CDKN2B-AS1: variants seen among roughly 807,000 people sequenced by gnomAD.
The protein encoded by CDKN2B-AS1 is CDKN2B and CDKN2A antisense cis and trans regulatory RNA 1.
chr9:22,080,407 T>C (rs1463445445), intron 4 of CDKN2B-AS1, among the ~76,000 whole-genome samples: 1 of 152,248 alleles, frequency 6.6e-6, no homozygotes, highest in African/African-American at 2.4e-5. Flanking sequence ...CTAAAGATTC[T>C]GAGCTATCAT....
intron 1 of CDKN2B-AS1, among the ~76,000 whole-genome samples, chr9:22,022,937 A>T (rs1032229643): frequency 6.6e-6 from 1 of 152,178 alleles, no homozygotes; most frequent in Non-Finnish European, 1.5e-5. Flanking sequence ...TTTCTTTAAA[A>T]ACATTGAATA....
At chr9:22,015,283 CT>C (rs936771347) in intron 1 of CDKN2B-AS1, among the ~76,000 whole-genome samples, 9 of 151,398 alleles carry the variant, frequency 5.9e-5, no homozygotes, top group East Asian at 1.9e-4. Context: ...TTTTTCCTGA[CT>C]TTTTTTTTCT....
At chr9:22,008,615 C>T in intron 1 of CDKN2B-AS1, 4 of 1,552,308 alleles carry the variant, frequency 2.6e-6, no homozygotes, top group Non-Finnish European at 3.5e-6. Context: ...GTGGGTTTTT[C>T]AATGTCTCTC....
At chr9:22,020,824 G>T (rs911063620) in intron 1 of CDKN2B-AS1, among the ~76,000 whole-genome samples, 4 of 152,136 alleles carry the variant, frequency 2.6e-5, no homozygotes, top group African/African-American at 9.7e-5. Context: ...CATTCTGTAG[G>T]TTGTCTGTTT....
At chr9:22,050,614 A>G (rs944799) in intron 3 of CDKN2B-AS1, among the ~76,000 whole-genome samples, 77,301 of 152,060 alleles carry the variant, frequency 0.51, 20,195 homozygotes, top group East Asian at 0.7. Context: ...GCTTCCTAGG[A>G]GAGCAGTGAT....
intron 1 of CDKN2B-AS1, among the ~76,000 whole-genome samples, chr9:22,027,196 A>G (rs1368051079): frequency 6.6e-6 from 1 of 151,820 alleles, no homozygotes; most frequent in Non-Finnish European, 1.5e-5. Flanking sequence ...AAAAAAAATT[A>G]ATAACATGTT....
At chr9:22,102,973 C>G (rs1825535029) in intron 4 of CDKN2B-AS1, among the ~76,000 whole-genome samples, 1 of 152,160 alleles carries the variant, frequency 6.6e-6, no homozygotes, top group Non-Finnish European at 1.5e-5. Flanking sequence ...TTGCTCTCAT[C>G]TGAGGCTTCA....
At chr9:22,099,203 T>C (rs1177898951) in intron 4 of CDKN2B-AS1, among the ~76,000 whole-genome samples, 1 of 152,078 alleles carries the variant, frequency 6.6e-6, no homozygotes, top group African/African-American at 2.4e-5. Context: ...GAACACTCCA[T>C]TTTTGAGGAA....
intron 4 of CDKN2B-AS1, among the ~76,000 whole-genome samples, chr9:22,114,236 CT>C (rs1825879856): frequency 6.6e-6 from 1 of 152,222 alleles, no homozygotes; most frequent in Admixed American, 6.5e-5. Context: ...CCTGGTCAAA[CT>C]TCTCTTACAA....
chr9:22,056,477 T>C (rs1457101504), intron 4 of CDKN2B-AS1: 1 of 152,010 alleles, frequency 6.6e-6, no homozygotes, highest in Non-Finnish European at 1.5e-5. Flanking sequence ...GCCACATAGA[T>C]TAGAGGCAGG....
intron 1 of CDKN2B-AS1, among the ~76,000 whole-genome samples, chr9:22,018,191 T>C (rs546647381): frequency 3.3e-5 from 5 of 150,862 alleles, no homozygotes; most frequent in African/African-American, 1.2e-4. Flanking sequence ...GGGGGTGGTG[T>C]CAGGCACCTG....
At chr9:22,082,365 T>G (rs1229195933) in intron 4 of CDKN2B-AS1, among the ~76,000 whole-genome samples, 2 of 152,208 alleles carry the variant, frequency 1.3e-5, no homozygotes, top group Admixed American at 1.3e-4. Context: ...AGTGGCTCAC[T>G]ATTCACATCA....
intron 4 of CDKN2B-AS1, among the ~76,000 whole-genome samples, chr9:22,116,214 C>T (rs1242856134): frequency 6.6e-6 from 1 of 152,076 alleles, no homozygotes; most frequent in Non-Finnish European, 1.5e-5. Context: ...GTCTGTACTC[C>T]CCATGATATG....
At chr9:22,004,238 T>C (rs1372842471) in intron 1 of CDKN2B-AS1, 2 of 232,502 alleles carry the variant, frequency 8.6e-6, no homozygotes, top group Non-Finnish European at 1.7e-5. Flanking sequence ...GAATAGGAAT[T>C]GGTAGAGAAG....
chr9:22,031,565 A>C (rs982357281), intron 1 of CDKN2B-AS1, among the ~76,000 whole-genome samples: 1 of 152,204 alleles, frequency 6.6e-6, no homozygotes, highest in African/African-American at 2.4e-5. Context: ...ACTTAGAGCT[A>C]AAAGTAAAAT....
chr9:22,050,320 A>C (rs1203777602), intron 3 of CDKN2B-AS1, among the ~76,000 whole-genome samples: 1 of 152,216 alleles, frequency 6.6e-6, no homozygotes, highest in Non-Finnish European at 1.5e-5. Context: ...GAGGCCTTGC[A>C]ATTGATTACG....
intron 1 of CDKN2B-AS1, chr9:22,008,971 C>G (rs753272006): frequency 1.9e-6 from 3 of 1,613,270 alleles, no homozygotes; most frequent in South Asian, 1.1e-5. Context: ...CCCCCAGACG[C>G]GCAGCGGCCC....
chr9:21,998,812 G>T (rs1047198144), intron 1 of CDKN2B-AS1, among the ~76,000 whole-genome samples: 6 of 152,012 alleles, frequency 3.9e-5, no homozygotes, highest in Non-Finnish European at 8.8e-5. Flanking sequence ...AATTTCATGA[G>T]AAACTTTCCT....
rs1197378161 is a variant in CDKN2B-AS1, at chr9:22,006,225, C to T, written n.29+11064C>T. 2.5e-6 allele frequency: 4 copies of T among 1,606,652 alleles called. No individual in the cohort carries two copies. Among genetic ancestry groups the T allele is most frequent in the African/African-American group, 1.3e-5 (1 of 75,060 alleles). On this transcript the variant is annotated intron_variant and non_coding_transcript_variant, in intron 1 of 4. Transcript: ENST00000650946. This position sits in a 1 kb window ranked among gnomAD's most constrained non-coding sequence, Gnocchi z 6.4. ...GTGGAGCAGCAGCAGCTCCGCCACG[C>T]GGGCGCTGCCCATCATCATGACCTG...
Sources: gnomAD v4.1 joint callset for allele counts (sites outside exome capture counted in the v4.1 genomes callset) on GRCh38, gnomAD v4.1.1 for gene constraint, Gnocchi (gnomAD v3.1) non-coding constraint, MANE v1.5 for transcripts, NCBI Gene and HGNC (gene_info 2026-07-23, HGNC 2026-07-21) for gene names.